Variants in DIAPH2 observed in about 807,000 individuals in gnomAD.
DIAPH2 encodes the protein diaphanous related formin 2.
Under a neutral mutation model 92.7 loss-of-function variants are expected in DIAPH2, and 35 were observed. That is an observed-to-expected ratio of 0.38 (90% confidence interval 0.29 to 0.50). DIAPH2 has a LOEUF of 0.50. DIAPH2 is among the 20% of genes least tolerant of loss of function. DIAPH2 has a pLI of 0.94. For synonymous variants in DIAPH2, 301 were observed against 280.4 expected (o/e 1.07, Z -0.73); for missense variants, 701 against 819.5 (o/e 0.86, Z 1.77).
chrX:96,875,693 T>C (rs917269712), intron 4 of DIAPH2, among the ~76,000 whole-genome samples: 8 of 111,199 alleles, frequency 7.2e-5, no homozygotes, highest in African/African-American at 2.6e-4. Flanking sequence ...TGTGTAGGTT[T>C]TTTTCTTATA....
In DIAPH2 at chrX:97,129,146, C is replaced by CTTTTCTTTTCT. The variant is rs113199689; in HGVS notation, c.2590-12516_2590-12515insTCTTTTCTTTT. Among the ~76,000 whole-genome samples the CTTTTCTTTTCT allele has an allele frequency of 1.2e-3, 45 of 36,551 alleles. 1 individual carries two copies. The highest frequency in any genetic ancestry group is 3.0e-3 in the African/African-American group (18 of 5,987). The allele number at this position is 36,551 out of a possible 115,157, so 31.7% of individuals were successfully genotyped here. A position where few individuals can be genotyped will look rare whatever the true frequency, so the allele number is the denominator to read the frequency against. On this transcript the variant is annotated intron_variant, in intron 21 of 26. Transcript: ENST00000324765. ...CTTTTCTTTTCTTTTCTTTTCTTTT[C>CTTTTCTTTTCT]TTTCTTTTCTTTTCTTTTCTTTCTT...
intron 1 of DIAPH2, among the ~76,000 whole-genome samples, chrX:96,719,703 C>G (rs942801477): frequency 9.0e-6 from 1 of 111,127 alleles, no homozygotes; most frequent in African/African-American, 3.3e-5. Context: ...TAGTATAATT[C>G]GAAGTCAGGT....
intron 26 of DIAPH2, among the ~76,000 whole-genome samples, chrX:97,543,525 CAG>C (rs1227467367): frequency 3.6e-5 from 4 of 110,382 alleles, no homozygotes; most frequent in African/African-American, 1.3e-4. Flanking sequence ...TTTTTTGAGA[CAG>C]AGTCTCACTC....
intron 1 of DIAPH2, among the ~76,000 whole-genome samples, chrX:96,718,907 C>T (rs761132778): frequency 8.2e-4 from 92 of 111,548 alleles, no homozygotes; most frequent in African/African-American, 2.8e-3. Flanking sequence ...CGACAGTGTA[C>T]GAGGAATCCC....
At chrX:96,856,270 T>G (rs140928087) in intron 4 of DIAPH2, among the ~76,000 whole-genome samples, 1 of 111,182 alleles carries the variant, frequency 9.0e-6, no homozygotes, top group African/African-American at 3.3e-5. Flanking sequence ...ATAATTTTCA[T>G]CCAACAGCAA....
At chrX:97,268,829 C>A (rs1194505034) in intron 23 of DIAPH2, among the ~76,000 whole-genome samples, 1 of 108,048 alleles carries the variant, frequency 9.3e-6, no homozygotes, top group Non-Finnish European at 1.9e-5. Flanking sequence ...TGTATTCAGG[C>A]ACTGTTCTTT....
At chrX:97,326,875 A>G (rs1292874432) in intron 23 of DIAPH2, among the ~76,000 whole-genome samples, 1 of 111,994 alleles carries the variant, frequency 8.9e-6, no homozygotes. Context: ...TCTCTGGAGT[A>G]TTTTTAATTG....
chrX:97,481,132 A>T (rs902671689), intron 26 of DIAPH2, among the ~76,000 whole-genome samples: 1 of 111,445 alleles, frequency 9.0e-6, no homozygotes, highest in African/African-American at 3.3e-5. Flanking sequence ...TATACTCTCT[A>T]TGTAGTTCTG....
At chrX:97,545,502 G>T (rs1382862983) in intron 26 of DIAPH2, among the ~76,000 whole-genome samples, 1 of 77,619 alleles carries the variant, frequency 1.3e-5, no homozygotes, top group Non-Finnish European at 2.4e-5. Flanking sequence ...GAAAAGAAGT[G>T]GCTCTTTTTT....
At chrX:97,370,566 T>G (rs747903973) in intron 24 of DIAPH2, among the ~76,000 whole-genome samples, 2 of 112,125 alleles carry the variant, frequency 1.8e-5, no homozygotes, top group Non-Finnish European at 3.8e-5. Flanking sequence ...AAGCCTCTTG[T>G]TATCTTAATT....
At chrX:97,256,323 G>A (rs1019055814) in intron 23 of DIAPH2, among the ~76,000 whole-genome samples, 8 of 112,071 alleles carry the variant, frequency 7.1e-5, no homozygotes, top group Admixed American at 3.8e-4. Flanking sequence ...ACTATAAATT[G>A]GATATCATAC....
intron 23 of DIAPH2, among the ~76,000 whole-genome samples, chrX:97,319,172 T>C (rs937682278): frequency 1.5e-4 from 17 of 112,314 alleles, no homozygotes; most frequent in African/African-American, 4.2e-4. Flanking sequence ...TGTATAGAAA[T>C]TGATAATTTG....
At chrX:97,280,457 C>T (rs1258551026) in intron 23 of DIAPH2, among the ~76,000 whole-genome samples, 1 of 110,622 alleles carries the variant, frequency 9.0e-6, no homozygotes, top group Non-Finnish European at 1.9e-5. Flanking sequence ...TGGGAGACAG[C>T]GAGTCTCCGT....
intron 17 of DIAPH2, among the ~76,000 whole-genome samples, chrX:97,052,823 T>C (rs2066529687): frequency 9.0e-6 from 1 of 111,483 alleles, no homozygotes; most frequent in Admixed American, 9.5e-5. Flanking sequence ...AGGGTTGATA[T>C]CCTTCAGAGG....
chrX:96,790,350 C>A lies in DIAPH2; in HGVS notation c.447+32092C>A, dbSNP rs776509832. On this transcript the variant is annotated intron_variant, in intron 4 of 26. Transcript: ENST00000324765. ...CCTCCCAAAGTGCTGGAATTACAGG[C>A]ATGAGCCACCATGCCTGGCTTCAAA... Among the ~76,000 whole-genome samples the A allele has an allele frequency of 9.8e-5, 11 of 111,683 alleles. No homozygotes were observed. In the East Asian group the frequency reaches 2.5e-3, roughly 26 times the overall value.
intron 26 of DIAPH2, among the ~76,000 whole-genome samples, chrX:97,436,222 C>G (rs745678701): frequency 9.0e-6 from 1 of 111,656 alleles, no homozygotes; most frequent in East Asian, 2.8e-4. Context: ...TTATTCTTTG[C>G]CCACTGTAAG....
At chrX:96,991,541 T>C (rs932336881) in intron 17 of DIAPH2, among the ~76,000 whole-genome samples, 4 of 105,279 alleles carry the variant, frequency 3.8e-5, no homozygotes, top group African/African-American at 1.0e-4. Flanking sequence ...TTTATGGTGT[T>C]TTTTTTTTTT....
Position 97,427,287 on chromosome X carries a change from A to G in DIAPH2, c.3146-2363A>G, listed in dbSNP as rs771554502. ...ATGGCCTGCATTTTATACCTAGTGAATCCTGTTAACTTATCGAATAGTGTT... is the reference window on the plus strand; with the variant it reads ...ATGGCCTGCATTTTATACCTAGTGAGTCCTGTTAACTTATCGAATAGTGTT... On this transcript the variant is annotated intron_variant, in intron 25 of 26. Coordinates refer to ENST00000324765, the MANE Select transcript of DIAPH2 (RefSeq NM_006729.5). 3.0e-4 allele frequency among the ~76,000 whole-genome samples: 33 copies of G among 111,587 alleles called. 1 individual carries two copies. The highest frequency in any genetic ancestry group is 9.5e-4 in the African/African-American group (29 of 30,685).
intron 22 of DIAPH2, among the ~76,000 whole-genome samples, chrX:97,177,306 A>G (rs1156808082): frequency 5.4e-5 from 6 of 111,963 alleles, no homozygotes; most frequent in Middle Eastern, 9.2e-3. Flanking sequence ...CTGAGGTCCT[A>G]CAATTTCAAT....
Sources: gnomAD v4.1 joint callset for allele counts (sites outside exome capture counted in the v4.1 genomes callset) on GRCh38, gnomAD v4.1.1 for gene constraint, MANE v1.5 for transcripts, NCBI Gene and HGNC (gene_info 2026-07-23, HGNC 2026-07-21) for gene names.